The following GRHL2 variants were observed in gnomAD, a reference collection of about 807,000 sequenced individuals.
GRHL2 encodes the protein grainyhead like transcription factor 2.
GRHL2 carries 21 observed loss-of-function variants against 83.8 expected under a neutral mutation model. That is an observed-to-expected ratio of 0.25 (90% CI 0.18 to 0.36). The LOEUF (loss-of-function observed/expected upper bound fraction) is 0.36. GRHL2 is among the 10% of genes least tolerant of loss of function. The pLI, the probability that GRHL2 is intolerant of heterozygous loss-of-function variation, is 1.00. For missense variants in GRHL2, 623 were observed against 781.8 expected (o/e 0.80, Z 2.42); for synonymous variants, 280 against 278.9 (o/e 1.00, Z -0.04).
chr8:101,607,506 A>G (rs1358042350), intron 8 of GRHL2, among the ~76,000 whole-genome samples: 3 of 152,216 alleles, frequency 2.0e-5, no homozygotes, highest in Non-Finnish European at 4.4e-5. Flanking sequence ...GTTGATAGAT[A>G]TTCATGATTA....
chr8:101,675,526 A>C, the GRHL2 span, among the ~76,000 whole-genome samples: 4 of 152,052 alleles, frequency 2.6e-5, no homozygotes, highest in African/African-American at 7.2e-5. Flanking sequence ...CTCTTCAAGG[A>C]GAACTACAAA....
At chr8:101,598,581 A>ATTTTTT (rs61519476) in intron 7 of GRHL2, among the ~76,000 whole-genome samples, 15 of 117,642 alleles carry the variant, frequency 1.3e-4, no homozygotes, top group African/African-American at 3.1e-4. Flanking sequence ...GGTCTCCTGA[A>ATTTTTT]TTTTTTTTTT....
chr8:101,623,361 G>A (rs1354786364), intron 9 of GRHL2, among the ~76,000 whole-genome samples: 1 of 151,994 alleles, frequency 6.6e-6, no homozygotes, highest in East Asian at 1.9e-4. Flanking sequence ...GTACACAGTA[G>A]GACAGTTCAC....
chr8:101,515,176 G>GCGCACACA (rs1554582181), intron 1 of GRHL2, among the ~76,000 whole-genome samples: 2 of 144,444 alleles, frequency 1.4e-5, no homozygotes, highest in African/African-American at 5.2e-5. Context: ...CTGTCTCTCT[G>GCGCACACA]CACACACACA....
At chr8:101,542,077 T>C (rs1180105757) in intron 1 of GRHL2, among the ~76,000 whole-genome samples, 2 of 152,238 alleles carry the variant, frequency 1.3e-5, no homozygotes, top group African/African-American at 4.8e-5. Flanking sequence ...GTTTGCAAAG[T>C]AGCTTACATT....
At chr8:101,634,364 C>T (rs1444310282) in intron 11 of GRHL2, among the ~76,000 whole-genome samples, 2 of 152,158 alleles carry the variant, frequency 1.3e-5, no homozygotes, top group East Asian at 3.9e-4. Flanking sequence ...TGGCTAGGGA[C>T]TTTCAGACTG....
Position 101,544,662 on chromosome 8 carries a change from A to ATTGCTGGTTGGG in GRHL2, c.216+1226_216+1227insTTGCTGGTTGGG, listed in dbSNP as rs1441368080. 4.6e-5 allele frequency among the ~76,000 whole-genome samples: 7 copies of ATTGCTGGTTGGG among 152,338 alleles called. No homozygotes were observed. The East Asian group carries it at 1.2e-3, about 25-fold the overall frequency. On this transcript the variant is annotated intron_variant, in intron 2 of 15. Coordinates refer to ENST00000646743, the MANE Select transcript of GRHL2 (RefSeq NM_024915.4). Reference sequence around the variant, plus strand: ...GCTGTGTTTATTTTGCTGGTTGGGCACAATGAACTCTTATTAACTCTTATT... The same window carrying ATTGCTGGTTGGG: ...GCTGTGTTTATTTTGCTGGTTGGGCATTGCTGGTTGGGCAATGAACTCTTATTAACTCTTATT...
intron 1 of GRHL2, among the ~76,000 whole-genome samples, chr8:101,504,157 T>C (rs671557): frequency 0.23 from 35,497 of 152,054 alleles, 5,350 homozygotes; most frequent in African/African-American, 0.42. Context: ...CCCGATCCCC[T>C]GCAGAAATCC....
intron 14 of GRHL2, among the ~76,000 whole-genome samples, chr8:101,659,381 C>T (rs995386453): frequency 1.3e-5 from 2 of 152,132 alleles, no homozygotes; most frequent in Admixed American, 1.3e-4. Flanking sequence ...CATATATATA[C>T]TGTTTGGGCA....
chr8:101,597,863 G>A (rs1812424004), intron 7 of GRHL2, among the ~76,000 whole-genome samples: 1 of 151,940 alleles, frequency 6.6e-6, no homozygotes, highest in Admixed American at 6.6e-5. Flanking sequence ...AAATAGGCAT[G>A]CAACGAGCAG....
At chr8:101,645,289 C>T (rs1377854644) in intron 13 of GRHL2, among the ~76,000 whole-genome samples, 2 of 151,886 alleles carry the variant, frequency 1.3e-5, no homozygotes, top group Non-Finnish European at 2.9e-5. Context: ...TGTGCCACCA[C>T]GCCCAGCTAA....
chr8:101,567,725 A>G (rs1811744300), intron 4 of GRHL2, among the ~76,000 whole-genome samples: 2 of 152,218 alleles, frequency 1.3e-5, no homozygotes, highest in African/African-American at 4.8e-5. Flanking sequence ...TATTTCAGCC[A>G]GAATGTAGTT....
At chr8:101,493,416 C>A (rs1043425250) in intron 1 of GRHL2, among the ~76,000 whole-genome samples, 6 of 151,766 alleles carry the variant, frequency 4.0e-5, no homozygotes, top group Admixed American at 6.6e-5. Flanking sequence ...CCCTCGACAT[C>A]CCGCCTTCCT....
intron 12 of GRHL2, among the ~76,000 whole-genome samples, chr8:101,638,109 T>C (rs1813326177): frequency 6.6e-6 from 1 of 152,234 alleles, no homozygotes; most frequent in Admixed American, 6.5e-5. Context: ...CTACTTTATG[T>C]TCTTGGTTGC....
intron 8 of GRHL2, among the ~76,000 whole-genome samples, chr8:101,608,748 C>T (rs1486023575): frequency 7.4e-6 from 1 of 135,202 alleles, no homozygotes; most frequent in East Asian, 2.2e-4. Flanking sequence ...CACACACACA[C>T]ACACACACAC....
At chr8:101,522,916 T>G (rs1405934636) in intron 1 of GRHL2, among the ~76,000 whole-genome samples, 1 of 151,814 alleles carries the variant, frequency 6.6e-6, no homozygotes, top group Non-Finnish European at 1.5e-5. Context: ...ATTCTTTGTT[T>G]CTTTTTTTTT....
the GRHL2 span, among the ~76,000 whole-genome samples, chr8:101,679,433 C>A: frequency 6.7e-6 from 1 of 149,540 alleles, no homozygotes; most frequent in South Asian, 2.2e-4. Flanking sequence ...TGTGAAAAGA[C>A]CAAATCTACT....
At position 101,667,358 on chromosome 8, in the gene GRHL2, GTAA is replaced by G. The variant is rs1397524240; in HGVS notation, c.*661_*663del. 5.8e-5 allele frequency: 9 copies of G among 154,934 alleles called. No individual in the cohort carries two copies. The highest frequency in any genetic ancestry group is 5.0e-4 in the Admixed American group (8 of 15,844). 9.6% of individuals were successfully genotyped at this position (154,934 alleles called of 1,614,324 possible). A position where few individuals can be genotyped will look rare whatever the true frequency, so the allele number is the denominator to read the frequency against. ...CATTGTACATAGTGTTTATAATATT[GTAA>G]TAATATATTTTACCTGTGGTATGTG... On this transcript the variant is annotated 3_prime_UTR_variant, in exon 16 of 16. Transcript: ENST00000646743.
At chr8:101,598,492 G>A (rs567940913) in intron 7 of GRHL2, among the ~76,000 whole-genome samples, 4 of 151,290 alleles carry the variant, frequency 2.6e-5, no homozygotes, top group East Asian at 3.9e-4. Flanking sequence ...CTCCTACCTC[G>A]GCCTCCCAAA....
Sources: allele counts gnomAD v4.1 joint callset (sites outside exome capture counted in the v4.1 genomes callset), GRCh38; gene constraint gnomAD v4.1.1; transcripts MANE v1.5; gene names NCBI Gene and HGNC (gene_info 2026-07-23, HGNC 2026-07-21).